The following PIGU variants were observed in gnomAD, a reference collection of about 807,000 sequenced individuals.
The protein encoded by PIGU is GPI-anchor transamidase component PIGU.
Under a neutral mutation model 49.9 loss-of-function variants are expected in PIGU, and 24 were observed. That is an observed-to-expected ratio of 0.48 (90% CI 0.35 to 0.68). The LOEUF is 0.68. Among genes scored for constraint, PIGU ranks in the 30% least tolerant of loss-of-function variants. The pLI, the probability that PIGU is intolerant of heterozygous loss-of-function variation, is 0.01. For missense variants in PIGU, 490 were observed against 532.6 expected, an observed-to-expected ratio of 0.92 and a Z score of 0.79; for synonymous variants, 220 against 205.7, an observed-to-expected ratio of 1.07 and a Z score of -0.59.
intron 6 of PIGU, among the ~76,000 whole-genome samples, chr20:34,629,723 A>G (rs1985628945): frequency 6.6e-6 from 1 of 152,254 alleles, no homozygotes; most frequent in South Asian, 2.1e-4. Flanking sequence ...CTGGAGGGAA[A>G]AATGTTGGAA....
At chr20:34,562,564 A>G (rs1468295421) in intron 11 of PIGU, 2 of 1,289,290 alleles carry the variant, frequency 1.6e-6, no homozygotes, top group East Asian at 5.6e-5. Context: ...ACAGAAGCCC[A>G]TCTGGAAGGT....
At chr20:34,609,992 G>A (rs1984754403) in intron 7 of PIGU, among the ~76,000 whole-genome samples, 1 of 152,150 alleles carries the variant, frequency 6.6e-6, no homozygotes. Context: ...GGACGTGTTT[G>A]CTTCCCCTTC....
chr20:34,588,303 G>T, intron 8 of PIGU, 150 bp downstream of exon 8: 1 of 752,558 alleles, frequency 1.3e-6, no homozygotes, highest in Non-Finnish European at 2.0e-6. Context: ...TGGGATTGCT[G>T]GATCAAATGG....
intron 10 of PIGU, among the ~76,000 whole-genome samples, chr20:34,576,154 T>G (rs768109968): frequency 9.2e-5 from 14 of 152,006 alleles, no homozygotes; most frequent in Non-Finnish European, 1.8e-4. Context: ...GTAGGAAGAT[T>G]GCTTGAGCCC....
chr20:34,656,503 C>T (rs934471225), intron 2 of PIGU, among the ~76,000 whole-genome samples: 86 of 147,844 alleles, frequency 5.8e-4, no homozygotes, highest in Admixed American at 3.4e-3. Flanking sequence ...AGGATGGTTT[C>T]GATTTCCTGA....
rs1424295472 is a variant in PIGU at position 34,616,157 on chromosome 20, TG to T, written c.530-19del. The T allele has an allele frequency of 1.9e-6, 3 of 1,611,152 alleles. No individual in the cohort carries two copies. The highest frequency in any genetic ancestry group is 2.5e-6 in the Non-Finnish European group (3 of 1,178,764). On this transcript the variant is annotated intron_variant, in intron 6 of 11. Coordinates refer to ENST00000217446, the MANE Select transcript of PIGU (RefSeq NM_080476.5). ...AGCACTGCCTGTAAAAAGAAAGAAA[TG>T]TATGGAATAATCCAGCCTCATCAAT...
At chr20:34,628,106 T>C (rs1985563206) in intron 6 of PIGU, among the ~76,000 whole-genome samples, 1 of 152,226 alleles carries the variant, frequency 6.6e-6, no homozygotes, top group South Asian at 2.1e-4. Context: ...CTTTACTTCC[T>C]GAGTACACAA....
intron 6 of PIGU, among the ~76,000 whole-genome samples, chr20:34,624,826 C>T (rs17091954): frequency 0.016 from 2,493 of 152,166 alleles, 84 homozygotes; most frequent in African/African-American, 0.058. Flanking sequence ...TACAATGGCC[C>T]GAGGCTTGTC....
chr20:34,616,235 C>T, intron 6 of PIGU, 96 bp from the exon 7 acceptor site: 1 of 1,351,162 alleles, frequency 7.4e-7, no homozygotes, highest in Non-Finnish European at 1.0e-6. Flanking sequence ...CATAACTGCT[C>T]AAATAATCAC....
intron 1 of PIGU, among the ~76,000 whole-genome samples, chr20:34,659,334 C>T (rs1986851658): frequency 2.9e-5 from 4 of 140,138 alleles, no homozygotes; most frequent in Non-Finnish European, 4.7e-5. Context: ...CCAGCCGCCC[C>T]GTCCGGGAGG....
At chr20:34,625,383 C>CAA (rs1160138187) in intron 6 of PIGU, among the ~76,000 whole-genome samples, 2 of 132,352 alleles carry the variant, frequency 1.5e-5, no homozygotes, top group Non-Finnish European at 3.3e-5. Context: ...AAAAAAAAAA[C>CAA]AAAAAAAAAA....
intron 2 of PIGU, among the ~76,000 whole-genome samples, chr20:34,653,709 G>GA (rs1986615078): frequency 1.3e-5 from 2 of 152,276 alleles, no homozygotes; most frequent in Non-Finnish European, 2.9e-5. Flanking sequence ...TAGGCACTAG[G>GA]AATAAGTGAT....
intron 7 of PIGU, among the ~76,000 whole-genome samples, chr20:34,601,983 T>C (rs1047362334): frequency 1.3e-5 from 2 of 152,226 alleles, no homozygotes; most frequent in African/African-American, 4.8e-5. Context: ...AAAACGTGTA[T>C]GTAAAATGTA....
At chr20:34,590,299 G>A (rs1035511606) in intron 7 of PIGU, among the ~76,000 whole-genome samples, 3 of 152,102 alleles carry the variant, frequency 2.0e-5, no homozygotes, top group African/African-American at 4.8e-5. Context: ...GCTCATACCT[G>A]TAATCCCAGC....
At position 34,560,886 on chromosome 20, in the gene PIGU, C is replaced by T. The variant is rs757477980; in HGVS notation, c.1288G>A (p.Ala430Thr). The change falls in exon 12 of 12, where the codon GCC becomes ACC. Residue 430 changes from alanine to threonine, a missense_variant. Physicochemically the swap from Ala to Thr is moderately conservative, Grantham distance 58. Transcript: ENST00000217446. ...LYLTAKDGTE[A>T]MLVLK The stretch of plus-strand genomic sequence containing the variant: ...CAGGCCTACTTGAGCACGAGCATGG[C>T]CTCTGTGCCATCCTTGGCGGTCAAG... 4.3e-6 allele frequency: 7 copies of T among 1,610,486 alleles called. No homozygotes were observed. Among genetic ancestry groups the T allele is most frequent in the South Asian group, 3.3e-5 (3 of 90,822 alleles).
intron 2 of PIGU, among the ~76,000 whole-genome samples, chr20:34,652,181 TG>T (rs892557855): frequency 2.3e-4 from 35 of 152,012 alleles, no homozygotes; most frequent in African/African-American, 7.5e-4. Context: ...TTTTTCCCCC[TG>T]GGGGGAGAAA....
At chr20:34,565,280 C>T (rs1043934089) in intron 11 of PIGU, among the ~76,000 whole-genome samples, 25 of 149,494 alleles carry the variant, frequency 1.7e-4, no homozygotes, top group Non-Finnish European at 1.6e-4. Context: ...TTTTTTGAGA[C>T]GAAGTCTCGC....
rs1171819949 is a variant in PIGU, at chr20:34,575,102, A to C, written c.1194+2T>G. Reference sequence around the variant, plus strand: ...AGCTGACCCCCATGCTGTCCCTCTTACCTGCCCAACGTTGAAGGTCAGTGT... The same window carrying C: ...AGCTGACCCCCATGCTGTCCCTCTTCCCTGCCCAACGTTGAAGGTCAGTGT... On this transcript the variant is annotated splice_donor_variant, in intron 11 of 11. Coordinates refer to ENST00000217446, the MANE Select transcript of PIGU (RefSeq NM_080476.5). LOFTEE classifies it high-confidence loss of function. 6.2e-7 allele frequency: 1 copy of C among 1,613,908 alleles called. No individual in the cohort carries two copies. Among genetic ancestry groups the C allele is most frequent in the Admixed American group, 1.7e-5 (1 of 59,986 alleles).
intron 1 of PIGU, among the ~76,000 whole-genome samples, chr20:34,662,856 T>C (rs149886814): frequency 9.2e-5 from 14 of 152,338 alleles, no homozygotes; most frequent in African/African-American, 2.6e-4. Flanking sequence ...CTTCATTTTA[T>C]GAATCTTTAG....
Sources: allele counts gnomAD v4.1 joint callset (sites outside exome capture counted in the v4.1 genomes callset), GRCh38; gene constraint gnomAD v4.1.1; transcripts MANE v1.5; gene names NCBI Gene and HGNC (gene_info 2026-07-23, HGNC 2026-07-21).